The following EBPL variants were observed in gnomAD, a reference collection of about 807,000 sequenced individuals.
EBPL encodes emopamil-binding protein-like.
A neutral mutation model predicts 19.0 loss-of-function variants in EBPL; 20 were observed. The observed-to-expected ratio is 1.05, with a 90% CI of 0.74 to 1.53. EBPL has a LOEUF of 1.53. Ranked by LOEUF, EBPL falls within the 40% of genes most tolerant of loss-of-function variation. The pLI is 0.00. For missense variants in EBPL, 219 were observed against 261.1 expected (o/e 0.84, Z 1.11); for synonymous variants, 107 against 117.0 (o/e 0.91, Z 0.55).
At chr13:49,690,161 CAAAA>C (rs1235351097) in intron 1 of EBPL, among the ~76,000 whole-genome samples, 2 of 19,116 alleles carry the variant, frequency 1.0e-4, no homozygotes, top group Admixed American at 5.6e-4. Flanking sequence ...AGAACAACAA[CAAAA>C]AAAAAGACAA....
At chr13:49,669,979 C>A in intron 1 of EBPL, 133 bp from the exon 2 acceptor site, 1 of 696,622 alleles carries the variant, frequency 1.4e-6, no homozygotes. Context: ...AGCCTGGAAA[C>A]ATCCATACAA....
chr13:49,678,389 T>C (rs9535296), intron 1 of EBPL, among the ~76,000 whole-genome samples: 95,957 of 152,136 alleles, frequency 0.63, 32,031 homozygotes, highest in East Asian at 0.77. Context: ...CAGGGGGCAG[T>C]GCCCTTCAGG....
chr13:49,682,987 T>A (rs1224391274), intron 1 of EBPL, among the ~76,000 whole-genome samples: 1 of 152,084 alleles, frequency 6.6e-6, no homozygotes, highest in Non-Finnish European at 1.5e-5. Flanking sequence ...ATCCATGAAT[T>A]TATTGAGCTA....
intron 1 of EBPL, among the ~76,000 whole-genome samples, chr13:49,689,791 AGCAATCT>A (rs1954040098): frequency 6.6e-6 from 1 of 152,204 alleles, no homozygotes; most frequent in Non-Finnish European, 1.5e-5. Context: ...AACCGGGCCT[AGCAATCT>A]GCTTTATCTC....
intron 2 of EBPL, chr13:49,668,697 C>T (rs1953774615): frequency 1.4e-5 from 5 of 361,182 alleles, no homozygotes; most frequent in South Asian, 1.1e-4. Context: ...TTGGTATTGA[C>T]ACAGTACATG....
In EBPL at chr13:49,691,358, C is replaced by CCAGCAGCGCGGCGCACAG; in HGVS notation, c.49_66dup (p.Leu17_Leu22dup). 1 of 1,358,576 alleles carries CCAGCAGCGCGGCGCACAG rather than the reference C, an allele frequency of 7.4e-7. No homozygotes were observed. Among genetic ancestry groups the CCAGCAGCGCGGCGCACAG allele is most frequent in the South Asian group, 2.0e-5 (1 of 49,398 alleles). The allele number at this position is 1,358,576 out of a possible 1,614,324, so 84.2% of individuals were successfully genotyped here. On this transcript the variant is annotated inframe_insertion, in exon 1 of 4. Coordinates refer to ENST00000242827, the MANE Select transcript of EBPL (RefSeq NM_032565.5). ...CGCAGGCCCAGGGCGCAGCCCGCCG[C>CCAGCAGCGCGGCGCACAG]CAGCAGCGCGGCGCACAGCAGCAGC...
intron 1 of EBPL, among the ~76,000 whole-genome samples, chr13:49,679,879 C>T (rs981727439): frequency 5.7e-5 from 8 of 141,236 alleles, no homozygotes; most frequent in African/African-American, 1.7e-4. Context: ...AAAATAGAGT[C>T]AAGCTATATA....
intron 1 of EBPL, among the ~76,000 whole-genome samples, chr13:49,680,034 G>C (rs537551433): frequency 6.6e-6 from 1 of 152,178 alleles, no homozygotes; most frequent in Admixed American, 6.5e-5. Context: ...CTTACTGAGA[G>C]GATGGTGAGG....
At chr13:49,690,944 C>T (rs970793195) in intron 1 of EBPL, among the ~76,000 whole-genome samples, 7 of 152,194 alleles carry the variant, frequency 4.6e-5, no homozygotes, top group Non-Finnish European at 1.0e-4. Context: ...TCCAGTTCAA[C>T]AGTTACGTGC....
chr13:49,686,335 G>T, intron 1 of EBPL: 1 of 935,578 alleles, frequency 1.1e-6, no homozygotes, highest in Non-Finnish European at 1.4e-6. Context: ...CTCTTCCTCC[G>T]CCCACCACCA....
At chr13:49,679,701 C>CATTAT (rs1953921393) in intron 1 of EBPL, among the ~76,000 whole-genome samples, 2 of 151,968 alleles carry the variant, frequency 1.3e-5, no homozygotes, top group South Asian at 4.2e-4. Context: ...GACGGGGTCT[C>CATTAT]GTTATGTGGT....
intron 1 of EBPL, among the ~76,000 whole-genome samples, chr13:49,674,191 C>T (rs1953851396): frequency 6.6e-6 from 1 of 152,142 alleles, no homozygotes. Flanking sequence ...CAACCTCCGC[C>T]TCCTGGGTTC....
At chr13:49,685,877 A>G (rs1376491057) in intron 1 of EBPL, among the ~76,000 whole-genome samples, 1 of 151,548 alleles carries the variant, frequency 6.6e-6, no homozygotes, top group Non-Finnish European at 1.5e-5. Flanking sequence ...AAAAAAAAAA[A>G]GGGACAAGAA....
At chr13:49,677,580 C>T (rs931531703) in intron 1 of EBPL, among the ~76,000 whole-genome samples, 1 of 152,162 alleles carries the variant, frequency 6.6e-6, no homozygotes, top group Non-Finnish European at 1.5e-5. Flanking sequence ...AGGCAGAGGC[C>T]CCAGCTTCAG....
At chr13:49,663,949 A>C (rs891250149) in intron 2 of EBPL, among the ~76,000 whole-genome samples, 22 of 138,090 alleles carry the variant, frequency 1.6e-4, no homozygotes, top group Non-Finnish European at 1.9e-4. Flanking sequence ...AAAAAAACAA[A>C]CAACCAAAAA....
intron 1 of EBPL, among the ~76,000 whole-genome samples, chr13:49,678,403 G>GGGGGTGGTGCC (rs1361007020): frequency 6.6e-6 from 1 of 152,222 alleles, no homozygotes; most frequent in Non-Finnish European, 1.5e-5. Context: ...CTTCAGGAGC[G>GGGGGTGGTGCC]GGGGTGGTGC....
rs369293935 is a variant in EBPL, at chr13:49,661,072, TAAAA to T, written c.513_516del (p.Phe171LeufsTer7). ...CCTGGGATCAGAACCCACACACCGT[TAAAA>T]AAAAACAGGTAAAGCCAACAGTACA... On this transcript the variant is annotated frameshift_variant, in exon 4 of 4. Transcript: ENST00000242827. LOFTEE classifies it high-confidence loss of function. 6.5e-7 allele frequency: 1 copy of T among 1,542,438 alleles called. No homozygotes were observed. Among genetic ancestry groups the T allele is most frequent in the Non-Finnish European group, 8.8e-7 (1 of 1,133,792 alleles).
intron 1 of EBPL, chr13:49,686,457 G>A (rs1281449123): frequency 1.2e-5 from 16 of 1,282,910 alleles, no homozygotes; most frequent in Non-Finnish European, 1.5e-5. Flanking sequence ...TTGACTTCCT[G>A]GTTGCCAGGT....
intron 2 of EBPL, among the ~76,000 whole-genome samples, chr13:49,666,119 G>A (rs997430825): frequency 1.1e-4 from 16 of 152,178 alleles, no homozygotes; most frequent in South Asian, 2.1e-4. Flanking sequence ...AACAGTGTTC[G>A]GGCAGGGGCC....
Sources: allele counts gnomAD v4.1 joint callset (sites outside exome capture counted in the v4.1 genomes callset), GRCh38; gene constraint gnomAD v4.1.1; transcripts MANE v1.5; gene names NCBI Gene and HGNC (gene_info 2026-07-23, HGNC 2026-07-21).